The following MSH4 variants were observed in gnomAD, a reference collection of about 807,000 sequenced individuals.
MSH4 encodes mutS homolog 4, also known as mutS protein homolog 4.
A neutral mutation model predicts 113.7 loss-of-function variants in MSH4; 106 were observed. That is an observed-to-expected ratio of 0.93 (90% CI 0.80 to 1.10). MSH4 has a LOEUF of 1.10. MSH4 is among the 50% of genes least tolerant of loss of function. The pLI, the probability that MSH4 is intolerant of heterozygous loss-of-function variation, is 0.00. For missense variants in MSH4, 1,061 were observed against 1,093.7 expected, an observed-to-expected ratio of 0.97 and a Z score of 0.42; for synonymous variants, 368 against 380.2, an observed-to-expected ratio of 0.97 and a Z score of 0.37.
chr1:75,909,133 A>C (rs538554369), intron 19 of MSH4, among the ~76,000 whole-genome samples: 1 of 152,018 alleles, frequency 6.6e-6, no homozygotes, highest in African/African-American at 2.4e-5. Context: ...GGCAGGAATG[A>C]TTTTTCTGCA....
intron 8 of MSH4, among the ~76,000 whole-genome samples, chr1:75,860,809 G>C (rs1315597304): frequency 6.6e-6 from 1 of 152,166 alleles, no homozygotes; most frequent in African/African-American, 2.4e-5. Context: ...ATGTTGGCCT[G>C]TCTTGCTAGG....
intron 7 of MSH4, among the ~76,000 whole-genome samples, chr1:75,824,193 T>C (rs948656102): frequency 6.6e-6 from 1 of 152,232 alleles, no homozygotes; most frequent in African/African-American, 2.4e-5. Context: ...TGGTATCTCA[T>C]TGTGGTTTTG....
chr1:75,864,481 C>T (rs1390855163), intron 8 of MSH4, among the ~76,000 whole-genome samples: 1 of 152,180 alleles, frequency 6.6e-6, no homozygotes, highest in Non-Finnish European at 1.5e-5. Context: ...CTCCCATCAG[C>T]ATATGAGAAC....
chr1:75,892,780 C>T (rs912107454), intron 17 of MSH4, among the ~76,000 whole-genome samples: 4 of 152,038 alleles, frequency 2.6e-5, no homozygotes, highest in Non-Finnish European at 5.9e-5. Context: ...AACCAGGCAT[C>T]ACATGTGTCC....
chr1:75,822,361 C>A, intron 6 of MSH4, 48 bp from the exon 7 acceptor site: 1 of 1,084,906 alleles, frequency 9.2e-7, no homozygotes, highest in Non-Finnish European at 1.3e-6. Context: ...ATGAAATTTT[C>A]TTGCGTTTTT....
At chr1:75,807,169 T>C in intron 3 of MSH4, 28 bp downstream of exon 3, 2 of 1,496,740 alleles carry the variant, frequency 1.3e-6, no homozygotes, top group Non-Finnish European at 8.8e-7. Context: ...TAGAAAATGG[T>C]TGCTCTGTTA....
At chr1:75,811,362 AAAG>A (rs1342783770) in intron 4 of MSH4, among the ~76,000 whole-genome samples, 16 of 152,196 alleles carry the variant, frequency 1.1e-4, no homozygotes, top group Admixed American at 9.8e-4. Context: ...ACTTTAAACA[AAAG>A]AAAACATGTT....
In MSH4 at chr1:75,826,417, C is replaced by T. The variant is rs116331865; in HGVS notation, c.1162+3836C>T. Among the ~76,000 whole-genome samples, 951 of 152,136 alleles carry T rather than the reference C, an allele frequency of 6.3e-3. 11 individuals carry two copies. The highest frequency in any genetic ancestry group is 0.022 in the African/African-American group (917 of 41,528). On this transcript the variant is annotated intron_variant, in intron 7 of 19. Coordinates refer to ENST00000263187, the MANE Select transcript of MSH4 (RefSeq NM_002440.4). ...TAATCTTTTCAAAAAACCAGCTCCC[C>T]GGTTCATGGAGTTTTCGAAGGGTTT...
intron 6 of MSH4, among the ~76,000 whole-genome samples, chr1:75,821,885 A>G (rs939236893): frequency 1.3e-5 from 2 of 152,164 alleles, no homozygotes; most frequent in Non-Finnish European, 2.9e-5. Flanking sequence ...TGTTGAGATT[A>G]TAGGTGTGAG....
At chr1:75,841,183 C>T (rs1427340070) in intron 7 of MSH4, among the ~76,000 whole-genome samples, 3 of 109,864 alleles carry the variant, frequency 2.7e-5, no homozygotes, top group African/African-American at 9.1e-5. Context: ...CTCCCTCCCG[C>T]TTTCTCTTCT....
rs1433476443 is a variant in MSH4, at chr1:75,867,372, CATT to C, written c.1231-141_1231-139del. On this transcript the variant is annotated intron_variant, in intron 8 of 19. Transcript: ENST00000263187. Reference sequence around the variant, plus strand: ...TTATGGTGGGTCAATAATTTTGTATCATTCTTTAGGCTTGCATTGCGGCTAGGC... The same window carrying C: ...TTATGGTGGGTCAATAATTTTGTATCCTTTAGGCTTGCATTGCGGCTAGGC... 5.8e-3 allele frequency: 3,278 copies of C among 562,846 alleles called. 125 individuals are homozygous for C. In the African/African-American group the frequency reaches 0.063, roughly 11 times the overall value. The allele number at this position is 562,846 out of a possible 1,614,324, so 34.9% of individuals were successfully genotyped here.
chr1:75,867,295 A>G (rs1187966851), intron 8 of MSH4, among the ~76,000 whole-genome samples: 6 of 152,212 alleles, frequency 3.9e-5, no homozygotes, highest in African/African-American at 1.4e-4. Flanking sequence ...GGATACAAAG[A>G]GATGAACTCT....
chr1:75,867,418 T>C (rs1345709097), intron 8 of MSH4, 96 bp from the exon 9 acceptor site: 13 of 707,762 alleles, frequency 1.8e-5, no homozygotes, highest in South Asian at 6.6e-5. Context: ...TAAAAATATA[T>C]GGGATATGGA....
intron 15 of MSH4, among the ~76,000 whole-genome samples, chr1:75,884,469 C>T (rs908953720): frequency 6.6e-6 from 1 of 152,008 alleles, no homozygotes; most frequent in Non-Finnish European, 1.5e-5. Flanking sequence ...GGTTCTTAAG[C>T]AGGGTTGGTT....
intron 7 of MSH4, among the ~76,000 whole-genome samples, chr1:75,846,050 T>A (rs1651068115): frequency 6.6e-6 from 1 of 152,324 alleles, no homozygotes; most frequent in South Asian, 2.1e-4. Context: ...TCACCTGAGC[T>A]ACAGTTGTGG....
chr1:75,814,806 A>G (rs1256099152), intron 4 of MSH4, among the ~76,000 whole-genome samples: 1 of 152,146 alleles, frequency 6.6e-6, no homozygotes, highest in Non-Finnish European at 1.5e-5. Flanking sequence ...ATTAAATCTC[A>G]TAAGAGTAAG....
intron 7 of MSH4, among the ~76,000 whole-genome samples, chr1:75,843,970 C>T (rs1651023933): frequency 6.6e-6 from 1 of 152,054 alleles, no homozygotes; most frequent in Non-Finnish European, 1.5e-5. Context: ...CACCACCATG[C>T]CTGGCTAATT....
intron 5 of MSH4, 74 bp downstream of exon 5, chr1:75,815,210 G>A: frequency 2.5e-6 from 2 of 806,066 alleles, no homozygotes; most frequent in Non-Finnish European, 3.8e-6. Flanking sequence ...TATAACTTAA[G>A]GAAAGTAAAT....
chr1:75,818,375 C>A (rs1650334761), intron 6 of MSH4, among the ~76,000 whole-genome samples: 2 of 152,136 alleles, frequency 1.3e-5, no homozygotes, highest in Non-Finnish European at 2.9e-5. Context: ...TGTTCTGGAG[C>A]CAGACTTCCT....
Sources: gnomAD v4.1 joint callset for allele counts (sites outside exome capture counted in the v4.1 genomes callset) on GRCh38, gnomAD v4.1.1 for gene constraint, MANE v1.5 for transcripts, NCBI Gene and HGNC (gene_info 2026-07-23, HGNC 2026-07-21) for gene names.